SPAG16: variants seen among roughly 807,000 people sequenced by gnomAD.
SPAG16 encodes sperm associated antigen 16.
A neutral mutation model predicts 80.4 loss-of-function variants in SPAG16; 86 were observed. The ratio of observed to expected loss-of-function variants is 1.07; its 90% CI spans 0.90 to 1.28. SPAG16 has a LOEUF of 1.28. Ranked by LOEUF, SPAG16 falls within the 50% of genes most tolerant of loss-of-function variation. The pLI is 0.00. For synonymous variants in SPAG16, 294 were observed against 265.9 expected (o/e 1.11, Z -1.03); for missense variants, 870 against 765.3 (o/e 1.14, Z -1.61).
At chr2:213,803,622 C>A (rs920257034) in intron 10 of SPAG16, among the ~76,000 whole-genome samples, 1 of 152,170 alleles carries the variant, frequency 6.6e-6, no homozygotes, top group Non-Finnish European at 1.5e-5. Context: ...AATCCAGAGC[C>A]GCGAGGTGTT....
At chr2:213,526,639 C>T (rs2075897447) in intron 10 of SPAG16, among the ~76,000 whole-genome samples, 1 of 152,116 alleles carries the variant, frequency 6.6e-6, no homozygotes, top group African/African-American at 2.4e-5. Context: ...ATATTTTGTT[C>T]CCTCTTGAAT....
intron 14 of SPAG16, among the ~76,000 whole-genome samples, chr2:214,127,959 G>A (rs554679679): frequency 6.6e-6 from 1 of 152,030 alleles, no homozygotes; most frequent in African/African-American, 2.4e-5. Flanking sequence ...GGGTGGGTTA[G>A]AGCAGCTTGA....
intron 15 of SPAG16, among the ~76,000 whole-genome samples, chr2:214,232,061 AT>A (rs1226607980): frequency 7.2e-5 from 11 of 152,028 alleles, no homozygotes; most frequent in African/African-American, 2.2e-4. Context: ...TAGAACAAAC[AT>A]TTAATATCAC....
intron 7 of SPAG16, among the ~76,000 whole-genome samples, chr2:213,353,054 A>AG (rs2065422324): frequency 6.6e-6 from 1 of 152,156 alleles, no homozygotes; most frequent in Admixed American, 6.6e-5. Flanking sequence ...TTACTTGTCT[A>AG]TCCGTATAGC....
intron 10 of SPAG16, among the ~76,000 whole-genome samples, chr2:213,618,625 C>T (rs1455522931): frequency 6.6e-6 from 1 of 152,028 alleles, no homozygotes; most frequent in Admixed American, 6.6e-5. Flanking sequence ...AACACATTAT[C>T]ATTTATCCTA....
intron 10 of SPAG16, among the ~76,000 whole-genome samples, chr2:213,502,109 A>C (rs2074767642): frequency 6.6e-6 from 1 of 152,096 alleles, no homozygotes; most frequent in Non-Finnish European, 1.5e-5. Context: ...AAAAATTCAA[A>C]CGTTGTATCT....
intron 12 of SPAG16, among the ~76,000 whole-genome samples, chr2:213,948,311 A>G (rs780429654): frequency 3.4e-4 from 51 of 152,198 alleles, no homozygotes; most frequent in Non-Finnish European, 1.0e-4. Flanking sequence ...GCATTTCTGC[A>G]TATAATTCAA....
intron 10 of SPAG16, among the ~76,000 whole-genome samples, chr2:213,675,728 C>G (rs2064031518): frequency 6.6e-6 from 1 of 152,014 alleles, no homozygotes; most frequent in Admixed American, 6.5e-5. Flanking sequence ...GGGCTCTGTT[C>G]TGTTCCATTG....
chr2:213,473,143 G>T (rs180781632), intron 9 of SPAG16, among the ~76,000 whole-genome samples: 2 of 152,238 alleles, frequency 1.3e-5, no homozygotes, highest in East Asian at 3.9e-4. Context: ...AATACAGTAG[G>T]CTTCCTATCA....
At chr2:213,590,985 C>T (rs998539615) in intron 10 of SPAG16, among the ~76,000 whole-genome samples, 3 of 152,086 alleles carry the variant, frequency 2.0e-5, no homozygotes, top group Non-Finnish European at 4.4e-5. Flanking sequence ...GAGAACAAAA[C>T]CTTTACAGCA....
chr2:214,346,035 G>C (rs1698026072), intron 15 of SPAG16, among the ~76,000 whole-genome samples: 1 of 152,090 alleles, frequency 6.6e-6, no homozygotes, highest in African/African-American at 2.4e-5. Flanking sequence ...ACATGTAAAT[G>C]CATATATGCT....
chr2:213,604,077 A>G (rs1277302407), intron 10 of SPAG16, among the ~76,000 whole-genome samples: 1 of 152,012 alleles, frequency 6.6e-6, no homozygotes, highest in Non-Finnish European at 1.5e-5. Context: ...TTTTTAGTAG[A>G]GACAGGGTTT....
rs1196776706 is a variant in SPAG16, at chr2:213,945,593, A to T, written c.1400+15448A>T. ...CAGTTGATTAGATGGTGCTCACCAG[A>T]TTAAGGGTGGGTCTGCCTTCCCCAG... On this transcript the variant is annotated intron_variant, in intron 12 of 15. Transcript: ENST00000331683. 2.6e-5 allele frequency among the ~76,000 whole-genome samples: 4 copies of T among 152,104 alleles called. No homozygotes were observed. In the East Asian group the frequency reaches 7.7e-4, roughly 29 times the overall value.
At chr2:213,952,759 C>T (rs906743597) in intron 12 of SPAG16, among the ~76,000 whole-genome samples, 1 of 151,990 alleles carries the variant, frequency 6.6e-6, no homozygotes, top group Non-Finnish European at 1.5e-5. Flanking sequence ...ATCGTAGATC[C>T]CCTTAAGGAT....
Position 214,059,608 on chromosome 2 carries a change from G to A in SPAG16, c.1527+45531G>A, listed in dbSNP as rs542360046. 1.1e-4 allele frequency among the ~76,000 whole-genome samples: 16 copies of A among 151,906 alleles called. No homozygotes were observed. The South Asian group carries it at 2.9e-3, about 28-fold the overall frequency. On this transcript the variant is annotated intron_variant, in intron 13 of 15. Coordinates refer to ENST00000331683, the MANE Select transcript of SPAG16 (RefSeq NM_024532.5). The stretch of plus-strand genomic sequence containing the variant: ...CATTATAGATTTTCTGACTATATCC[G>A]TTTGATGGTCCTCATTCATTTTATG...
intron 11 of SPAG16, among the ~76,000 whole-genome samples, chr2:213,886,494 C>A (rs954118254): frequency 6.6e-6 from 1 of 152,074 alleles, no homozygotes; most frequent in African/African-American, 2.4e-5. Context: ...ATCCCCAACA[C>A]TGGCCTTGTT....
intron 10 of SPAG16, among the ~76,000 whole-genome samples, chr2:213,644,294 T>G (rs2062737300): frequency 2.0e-5 from 3 of 152,120 alleles, no homozygotes; most frequent in African/African-American, 7.2e-5. Context: ...ACAGCTATTT[T>G]GAATTCTCTG....
chr2:213,325,548 A>C (rs2063805780), intron 5 of SPAG16, among the ~76,000 whole-genome samples: 1 of 151,956 alleles, frequency 6.6e-6, no homozygotes, highest in Non-Finnish European at 1.5e-5. Context: ...GCCAATTTCC[A>C]CAGACACGGG....
chr2:213,801,890 G>A (rs1252336613), intron 10 of SPAG16, among the ~76,000 whole-genome samples: 1 of 152,148 alleles, frequency 6.6e-6, no homozygotes, highest in Non-Finnish European at 1.5e-5. Context: ...ATAAGTTTGA[G>A]TTTGCTCTAT....
Sources: allele counts gnomAD v4.1 joint callset (sites outside exome capture counted in the v4.1 genomes callset), GRCh38; gene constraint gnomAD v4.1.1; transcripts MANE v1.5; gene names NCBI Gene and HGNC (gene_info 2026-07-23, HGNC 2026-07-21).